Variants in ADGRL3 observed in about 807,000 individuals in gnomAD.
ADGRL3 encodes calcium-independent alpha-latrotoxin receptor 3.
ADGRL3 carries 62 observed loss-of-function variants against 153.5 expected under a neutral mutation model. The ratio of observed to expected loss-of-function variants is 0.40; its 90% CI spans 0.33 to 0.50. ADGRL3 has a LOEUF of 0.50. Ranked by LOEUF, ADGRL3 falls within the 20% of genes least tolerant of loss-of-function variation. ADGRL3 has a pLI of 0.47. For missense variants in ADGRL3, 1,641 were observed against 1,859.4 expected (o/e 0.88, Z 2.16); for synonymous variants, 710 against 672.5 (o/e 1.06, Z -0.86).
At chr4:61,388,032 C>T (rs1325915311) in intron 2 of ADGRL3, among the ~76,000 whole-genome samples, 1 of 152,132 alleles carries the variant, frequency 6.6e-6, no homozygotes, top group South Asian at 2.1e-4. Context: ...CGGGTCCCTC[C>T]ATTTGGGGTC....
chr4:61,644,557 C>T (rs2093866674), intron 5 of ADGRL3, among the ~76,000 whole-genome samples: 1 of 152,138 alleles, frequency 6.6e-6, no homozygotes, highest in Non-Finnish European at 1.5e-5. Context: ...AGTAGTCATT[C>T]AGGAGCAGCT....
intron 1 of ADGRL3, among the ~76,000 whole-genome samples, chr4:61,260,586 G>A (rs1169005942): frequency 6.6e-6 from 1 of 152,132 alleles, no homozygotes. Flanking sequence ...AGTTAAGTAA[G>A]ATAATAAATG....
chr4:61,370,487 A>C (rs1177798568), intron 1 of ADGRL3, among the ~76,000 whole-genome samples: 2 of 151,370 alleles, frequency 1.3e-5, no homozygotes, highest in African/African-American at 2.4e-5. Flanking sequence ...TTCGTTATGT[A>C]CCCAGTAGTC....
At chr4:61,803,735 G>T (rs541753516) in intron 8 of ADGRL3, among the ~76,000 whole-genome samples, 1 of 152,144 alleles carries the variant, frequency 6.6e-6, no homozygotes, top group Non-Finnish European at 1.5e-5. Context: ...GCATAACTAT[G>T]AAATGATATT....
intron 9 of ADGRL3, among the ~76,000 whole-genome samples, chr4:61,816,405 C>T (rs1220807076): frequency 6.6e-6 from 1 of 152,146 alleles, no homozygotes; most frequent in South Asian, 2.1e-4. Flanking sequence ...GGTCACATGT[C>T]TCTCTCTTTA....
chr4:61,485,170 C>T (rs1357372017), intron 2 of ADGRL3, among the ~76,000 whole-genome samples: 1 of 152,058 alleles, frequency 6.6e-6, no homozygotes, highest in Non-Finnish European at 1.5e-5. Context: ...CTAGGTGCAC[C>T]GTACTGAGAT....
intron 2 of ADGRL3, among the ~76,000 whole-genome samples, chr4:61,495,995 T>A (rs1466141526): frequency 1.3e-5 from 2 of 152,226 alleles, no homozygotes; most frequent in African/African-American, 2.4e-5. Context: ...ATTTCGGGCA[T>A]AATAATCTGT....
chr4:61,369,781 T>C (rs1383491951), intron 1 of ADGRL3, among the ~76,000 whole-genome samples: 1 of 152,176 alleles, frequency 6.6e-6, no homozygotes, highest in East Asian at 1.9e-4. Context: ...TTTCTATTGA[T>C]TGTAATAGTT....
chr4:61,229,670 C>T (rs147616017), intron 1 of ADGRL3, among the ~76,000 whole-genome samples: 1 of 151,960 alleles, frequency 6.6e-6, no homozygotes, highest in Non-Finnish European at 1.5e-5. Flanking sequence ...ATAATTCCAG[C>T]AATTTGGGAA....
In ADGRL3 at chr4:62,042,115, A is replaced by G. The variant is rs1422006720; in HGVS notation, c.3718-2338A>G. ...TATAGATGTATATGCACACACATGC[A>G]CATATATAATATACATACACTATGT... On this transcript the variant is annotated intron_variant, in intron 24 of 26. Coordinates refer to ENST00000683033, the MANE Select transcript of ADGRL3 (RefSeq NM_001387552.1). Among the ~76,000 whole-genome samples, 4 of 152,118 alleles carry G rather than the reference A, an allele frequency of 2.6e-5. No individual in the cohort carries two copies. The East Asian group carries it at 7.7e-4, about 29-fold the overall frequency.
chr4:61,914,691 A>T (rs2098737288), intron 13 of ADGRL3, among the ~76,000 whole-genome samples: 1 of 152,142 alleles, frequency 6.6e-6, no homozygotes, highest in South Asian at 2.1e-4. Flanking sequence ...TGATCTGAAT[A>T]TTCACATTCC....
At chr4:61,461,958 C>T (rs1314541693) in intron 2 of ADGRL3, among the ~76,000 whole-genome samples, 1 of 152,068 alleles carries the variant, frequency 6.6e-6, no homozygotes, top group African/African-American at 2.4e-5. Context: ...TTACAAAATT[C>T]AAACAAAAGC....
chr4:61,909,511 A>T (rs2098712091), intron 11 of ADGRL3, 49 bp from the exon 12 acceptor site: 1 of 1,266,508 alleles, frequency 7.9e-7, no homozygotes, highest in African/African-American at 1.5e-5. Flanking sequence ...AAGCAATAAA[A>T]GTATTTATGT....
intron 5 of ADGRL3, among the ~76,000 whole-genome samples, chr4:61,599,490 G>A (rs1329722012): frequency 5.3e-5 from 8 of 152,180 alleles, no homozygotes; most frequent in East Asian, 1.9e-4. Flanking sequence ...CTGCCACCAC[G>A]CCTGGCTAAG....
At chr4:61,685,060 C>T (rs1456455777) in intron 6 of ADGRL3, among the ~76,000 whole-genome samples, 2 of 151,838 alleles carry the variant, frequency 1.3e-5, no homozygotes, top group African/African-American at 4.8e-5. Context: ...GGACTACAGG[C>T]GTGCACCATC....
chr4:61,957,870 C>G (rs964349731), intron 17 of ADGRL3, among the ~76,000 whole-genome samples: 4 of 151,752 alleles, frequency 2.6e-5, no homozygotes, highest in African/African-American at 9.7e-5. Flanking sequence ...CATTTGTTTT[C>G]TTTTCTTCAT....
At chr4:61,257,836 G>GGT (rs10635406) in intron 1 of ADGRL3, among the ~76,000 whole-genome samples, 36,966 of 150,538 alleles carry the variant, frequency 0.25, 5,002 homozygotes, top group East Asian at 0.34. Flanking sequence ...TTGAATTAGA[G>GGT]GTGTGTGTGT....
At chr4:61,263,228 A>C (rs2092650236) in intron 1 of ADGRL3, among the ~76,000 whole-genome samples, 1 of 151,976 alleles carries the variant, frequency 6.6e-6, no homozygotes, top group African/African-American at 2.4e-5. Context: ...TATCAAGTGC[A>C]AATAATTAAA....
intron 18 of ADGRL3, among the ~76,000 whole-genome samples, chr4:61,981,479 G>A (rs999793891): frequency 9.3e-5 from 14 of 150,986 alleles, no homozygotes; most frequent in South Asian, 2.1e-4. Context: ...AGCCTTGTAC[G>A]TTATTGCAAC....
Sources: gnomAD v4.1 joint callset for allele counts (sites outside exome capture counted in the v4.1 genomes callset) on GRCh38, gnomAD v4.1.1 for gene constraint, MANE v1.5 for transcripts, NCBI Gene and HGNC (gene_info 2026-07-23, HGNC 2026-07-21) for gene names.